The following ATP9B variants were observed in gnomAD, a reference collection of about 807,000 sequenced individuals.
ATP9B encodes the protein ATPase phospholipid transporting 9B.
In ATP9B, 110 loss-of-function variants were observed where a neutral mutation model predicts 146.1. The observed-to-expected ratio is 0.75, with a 90% CI of 0.65 to 0.88. ATP9B has a LOEUF of 0.88. ATP9B is among the 40% of genes least tolerant of loss of function. The pLI, the probability that ATP9B is intolerant of heterozygous loss-of-function variation, is 0.00. For synonymous variants in ATP9B, 604 were observed against 569.7 expected (o/e 1.06, Z -0.86); for missense variants, 1,499 against 1,496.4 (o/e 1.00, Z -0.03).
chr18:79,330,526 C>T (rs59132561), intron 17 of ATP9B, among the ~76,000 whole-genome samples: 22 of 151,684 alleles, frequency 1.5e-4, no homozygotes, highest in Admixed American at 1.4e-3. Context: ...GATTCTCCTG[C>T]CTCAGCCTCC....
At chr18:79,078,652 T>C (rs538206404) in intron 1 of ATP9B, among the ~76,000 whole-genome samples, 14 of 151,426 alleles carry the variant, frequency 9.2e-5, no homozygotes, top group African/African-American at 3.4e-4. Context: ...CCACTTAAAG[T>C]GTATAGTTCA....
At chr18:79,127,790 CT>C (rs2094312005) in intron 5 of ATP9B, among the ~76,000 whole-genome samples, 1 of 152,142 alleles carries the variant, frequency 6.6e-6, no homozygotes, top group African/African-American at 2.4e-5. Context: ...TGCCAACCTG[CT>C]TTCCTAATTG....
intron 4 of ATP9B, among the ~76,000 whole-genome samples, chr18:79,123,652 C>A (rs2094228672): frequency 6.6e-6 from 1 of 152,126 alleles, no homozygotes; most frequent in Non-Finnish European, 1.5e-5. Flanking sequence ...TTGGAGAACT[C>A]ACACTTTCCC....
intron 26 of ATP9B, among the ~76,000 whole-genome samples, chr18:79,371,389 A>C (rs1278572024): frequency 3.3e-5 from 5 of 151,274 alleles, no homozygotes; most frequent in Admixed American, 1.3e-4. Flanking sequence ...AAAAAAAAAA[A>C]AAAAAAAAAA....
chr18:79,296,157 A>G (rs1293971925), intron 13 of ATP9B, among the ~76,000 whole-genome samples: 1 of 152,090 alleles, frequency 6.6e-6, no homozygotes, highest in Non-Finnish European at 1.5e-5. Flanking sequence ...CTGGGACTGC[A>G]GGTGTGTGCT....
At position 79,359,378 on chromosome 18, in the gene ATP9B, C is replaced by A; in HGVS notation, c.2928C>A (p.Phe976Leu). 6.2e-7 allele frequency: 1 copy of A among 1,613,826 alleles called. No homozygotes were observed. The highest frequency in any genetic ancestry group is 8.5e-7 in the Non-Finnish European group (1 of 1,179,814). ...MVGYATIYTM[F>L]PVFSLVLDQD... ...GGTATGCCACCATATACACCATGTT[C>A]CCAGTGTTCTCCTTAGTGCTGGACC... is the stretch of plus-strand genomic sequence containing the variant. Residue 976 changes from phenylalanine to leucine, a missense_variant, in exon 26 of 30, where the codon TTC (phenylalanine) becomes TTA (leucine). Physicochemically the swap from Phe to Leu is conservative, Grantham distance 22. Transcript: ENST00000426216.
chr18:79,374,171 C>G, intron 28 of ATP9B, 70 bp downstream of exon 28: 1 of 1,490,156 alleles, frequency 6.7e-7, no homozygotes, highest in Non-Finnish European at 9.2e-7. Context: ...CTTATTGTTG[C>G]TTCTGAATAC....
chr18:79,167,069 G>A (rs1479545852), intron 7 of ATP9B, among the ~76,000 whole-genome samples: 2 of 152,138 alleles, frequency 1.3e-5, no homozygotes, highest in African/African-American at 2.4e-5. Context: ...GCTTGGAGAC[G>A]CTAGGAACCG....
chr18:79,277,327 A>AT (rs2096323092), intron 13 of ATP9B, 131 bp downstream of exon 13: 1 of 1,210,728 alleles, frequency 8.3e-7, no homozygotes, highest in South Asian at 1.7e-5. Flanking sequence ...TTGAATCCAT[A>AT]TTTAGAATTT....
At chr18:79,129,887 G>T (rs1457757643) in intron 5 of ATP9B, among the ~76,000 whole-genome samples, 1 of 152,086 alleles carries the variant, frequency 6.6e-6, no homozygotes, top group Non-Finnish European at 1.5e-5. Context: ...GGAATTACAG[G>T]CATGCGCCAC....
intron 9 of ATP9B, among the ~76,000 whole-genome samples, chr18:79,198,873 T>TTAAACACTG (rs1477817198): frequency 6.6e-6 from 1 of 152,216 alleles, no homozygotes; most frequent in Non-Finnish European, 1.5e-5. Context: ...TGTAAACTTT[T>TTAAACACTG]TAAACACTGT....
chr18:79,329,251 G>T lies in ATP9B; in HGVS notation c.1884G>T (p.Leu628=). The change falls in exon 16 of 30, where the codon CTG becomes CTT. Residue 628 remains leucine, a synonymous_variant. Coordinates refer to ENST00000426216, the MANE Select transcript of ATP9B (RefSeq NM_198531.5). ...GCCAGGTCCTCAGCTTCTGCATTCTGCAGCTGTTTCCCTTCACCTCCGAGA... is the reference window on the plus strand; with the variant it reads ...GCCAGGTCCTCAGCTTCTGCATTCTTCAGCTGTTTCCCTTCACCTCCGAGA... ...PSGQVLSFCI[L]QLFPFTSESK... is the part of the protein sequence containing the mutation. The T allele has an allele frequency of 6.2e-7, 1 of 1,612,724 alleles. No individual in the cohort carries two copies. The highest frequency in any genetic ancestry group is 1.7e-5 in the Admixed American group (1 of 59,914).
At chr18:79,119,117 C>G (rs1033915655) in intron 4 of ATP9B, among the ~76,000 whole-genome samples, 3 of 149,970 alleles carry the variant, frequency 2.0e-5, no homozygotes, top group Admixed American at 2.0e-4. Context: ...ACTGTTTTAA[C>G]TTAAACAATG....
At chr18:79,154,430 C>T in intron 6 of ATP9B, 74 bp from the exon 7 acceptor site, 1 of 1,051,520 alleles carries the variant, frequency 9.5e-7, no homozygotes, top group South Asian at 1.7e-5. Context: ...ATAGGTATTT[C>T]TTATTTGGAA....
chr18:79,154,892 C>T (rs1424798142), intron 7 of ATP9B, among the ~76,000 whole-genome samples: 1 of 152,126 alleles, frequency 6.6e-6, no homozygotes, highest in Non-Finnish European at 1.5e-5. Flanking sequence ...ATATTGAATT[C>T]ATTAACATCT....
chr18:79,279,209 G>A (rs550681062), intron 13 of ATP9B, among the ~76,000 whole-genome samples: 40 of 152,242 alleles, frequency 2.6e-4, no homozygotes, highest in African/African-American at 8.7e-4. Flanking sequence ...GCACTCATGC[G>A]CCCCCTGTGA....
At chr18:79,220,220 G>T (rs941199489) in intron 11 of ATP9B, among the ~76,000 whole-genome samples, 1 of 152,112 alleles carries the variant, frequency 6.6e-6, no homozygotes, top group Admixed American at 6.5e-5. Context: ...AAAATGAGTT[G>T]TTGAAGTTTG....
chr18:79,325,856 C>A (rs986529559), intron 15 of ATP9B, among the ~76,000 whole-genome samples: 7 of 151,062 alleles, frequency 4.6e-5, no homozygotes, highest in Admixed American at 6.6e-5. Flanking sequence ...CATTCCTTCA[C>A]ATGGTGTTAG....
chr18:79,329,111 G>T, intron 15 of ATP9B, 30 bp from the exon 16 acceptor site: 1 of 1,508,572 alleles, frequency 6.6e-7, no homozygotes, highest in South Asian at 1.3e-5. Context: ...TGAGGCAGCG[G>T]TGGCCTCAGT....
Sources: gnomAD v4.1 joint callset for allele counts (sites outside exome capture counted in the v4.1 genomes callset) on GRCh38, gnomAD v4.1.1 for gene constraint, MANE v1.5 for transcripts, NCBI Gene and HGNC (gene_info 2026-07-23, HGNC 2026-07-21) for gene names.